SNX25: variants seen among roughly 807,000 people sequenced by gnomAD.
SNX25 encodes the protein sorting nexin-25.
SNX25 carries 62 observed loss-of-function variants against 113.7 expected under a neutral mutation model. The ratio of observed to expected loss-of-function variants is 0.55; its 90% CI spans 0.44 to 0.67. The LOEUF (loss-of-function observed/expected upper bound fraction) is 0.67, where lower values mean the gene tolerates loss of function less well. SNX25 is among the 30% of genes least tolerant of loss of function. The pLI is 0.00. For synonymous variants in SNX25, 421 were observed against 436.2 expected, an observed-to-expected ratio of 0.97 and a Z score of 0.43; for missense variants, 1,014 against 1,161.0, an observed-to-expected ratio of 0.87 and a Z score of 1.84.
At chr4:185,222,031 ACTGTAGGTATACAGCACCATATACCC>A (rs1739971992) in intron 1 of SNX25, among the ~76,000 whole-genome samples, 1 of 25,028 alleles carries the variant, frequency 4.0e-5, no homozygotes, top group Non-Finnish European at 1.0e-4. Context: ...TCCCTCGTTC[ACTGTAGGTATACAGCACCATATACCC>A]CTCCTTCATG....
intron 7 of SNX25, among the ~76,000 whole-genome samples, chr4:185,314,227 T>A (rs2095052191): frequency 6.7e-6 from 1 of 149,584 alleles, no homozygotes; most frequent in African/African-American, 2.5e-5. Context: ...AGGGGGCTCA[T>A]GCTGGTAATT....
At chr4:185,372,978 C>T (rs774700445), downstream of SNX25, 6 of 1,614,016 alleles carry the variant, frequency 3.7e-6, no homozygotes, top group Non-Finnish European at 5.1e-6. Flanking sequence ...GGGCAGCTTC[C>T]GTATCCTGCC....
exon 12 of SNX25, chr4:185,369,873 A>G (rs1207465014): frequency 5.2e-6 from 2 of 383,216 alleles, no homozygotes; most frequent in Non-Finnish European, 1.0e-5. Flanking sequence ...AAGCTTGGGA[A>G]CCACTGCTGT....
intron 7 of SNX25, among the ~76,000 whole-genome samples, chr4:185,315,663 C>T (rs2095068191): frequency 6.6e-6 from 1 of 151,982 alleles, no homozygotes; most frequent in Non-Finnish European, 1.5e-5. Flanking sequence ...TTTCAAAAAA[C>T]GGAGAAGGGA....
chr4:185,377,347 C>T, the SNX25 span: 1 of 219,024 alleles, frequency 4.6e-6, no homozygotes, highest in Non-Finnish European at 9.3e-6. Flanking sequence ...GGAGAAACCC[C>T]GTCTCTACTA....
In SNX25 at chr4:185,210,892, A is replaced by G. The variant is rs1164597412; in HGVS notation, c.429+637A>G. Reference sequence around the variant, plus strand: ...AGCCATCCTCAGCGCGCTGTGGGACACTAGGGCGGGGGTTAGGGAATGTAG... The same window carrying G: ...AGCCATCCTCAGCGCGCTGTGGGACGCTAGGGCGGGGGTTAGGGAATGTAG... On this transcript the variant is annotated intron_variant, in intron 1 of 18. Coordinates refer to ENST00000652585, the MANE Select transcript of SNX25 (RefSeq NM_001378034.2). This position sits in a 1 kb window ranked among gnomAD's most constrained non-coding sequence, Gnocchi z 4.4. 6.6e-6 allele frequency among the ~76,000 whole-genome samples: 1 copy of G among 152,122 alleles called. No homozygotes were observed.
At chr4:185,336,083 C>T (rs1487412313) in intron 10 of SNX25, among the ~76,000 whole-genome samples, 2 of 152,044 alleles carry the variant, frequency 1.3e-5, no homozygotes, top group Non-Finnish European at 2.9e-5. Flanking sequence ...GAAGAGATGG[C>T]GAGCATAGCA....
chr4:185,349,961 A>G (rs1028051120), intron 13 of SNX25, among the ~76,000 whole-genome samples: 2 of 152,244 alleles, frequency 1.3e-5, no homozygotes, highest in African/African-American at 4.8e-5. Flanking sequence ...CCATCCTCAC[A>G]TACAGGTTGA....
At position 185,254,045 on chromosome 4, in the gene SNX25, C is replaced by T. The variant is rs115151522; in HGVS notation, c.515-4803C>T. On this transcript the variant is annotated intron_variant, in intron 2 of 18. Transcript: ENST00000652585. ...TGGTAGTCTTTTTTCCAAGGCCCAC[C>T]GTATGGCTGTTCCAGATGTCTGGCT... 1.1e-3 allele frequency among the ~76,000 whole-genome samples: 168 copies of T among 152,264 alleles called. 1 individual carries two copies. Among genetic ancestry groups the T allele is most frequent in the African/African-American group, 3.7e-3 (154 of 41,552 alleles).
intron 16 of SNX25, among the ~76,000 whole-genome samples, chr4:185,358,044 G>T (rs951248953): frequency 6.6e-6 from 1 of 152,196 alleles, no homozygotes; most frequent in African/African-American, 2.4e-5. Flanking sequence ...AGTATCTTGA[G>T]TAGAATGTTT....
At chr4:185,366,137 T>C (rs1436303767), downstream of SNX25, 1 of 152,258 alleles carries the variant, frequency 6.6e-6, no homozygotes, top group Non-Finnish European at 1.5e-5. Flanking sequence ...GATATGTATA[T>C]TTGTTTCACA....
rs1271539489 is a variant in SNX25 at position 185,231,138 on chromosome 4, G to A, written c.430-16156G>A. On this transcript the variant is annotated intron_variant, in intron 1 of 18. Coordinates refer to ENST00000652585, the MANE Select transcript of SNX25 (RefSeq NM_001378034.2). ...TTTTGAGACAGTGTTTCGCTCTGTC[G>A]CCCAGGCTGGAGTGCAGTGGCATGA... Among the ~76,000 whole-genome samples, 35 of 144,810 alleles carry A rather than the reference G, an allele frequency of 2.4e-4. 1 individual carries two copies. The highest frequency in any genetic ancestry group is 3.9e-4 in the Non-Finnish European group (26 of 66,912).
intron 15 of SNX25, 109 bp from the exon 16 acceptor site, chr4:185,357,562 C>T (rs2095344605): frequency 1.1e-6 from 1 of 905,938 alleles, no homozygotes; most frequent in East Asian, 2.5e-5. Flanking sequence ...GACTTGATGG[C>T]AGGACTGAAA....
chr4:185,378,610 A>G, the SNX25 span: 1 of 991,136 alleles, frequency 1.0e-6, no homozygotes, highest in Non-Finnish European at 1.2e-6. Flanking sequence ...CATCGGACGA[A>G]TCCATTTCAA....
intron 12 of SNX25, among the ~76,000 whole-genome samples, chr4:185,342,390 C>T (rs2095264272): frequency 6.6e-6 from 1 of 152,210 alleles, no homozygotes; most frequent in Admixed American, 6.5e-5. Context: ...TCACAACTGG[C>T]AGCTGCCGAT....
In SNX25 at chr4:185,342,083, C is replaced by T. The variant is rs149793312; in HGVS notation, c.2154C>T (p.Ser718=). The change falls in exon 12 of 19, where the codon AGC becomes AGT. Residue 718 remains serine (S), a synonymous_variant. Coordinates refer to ENST00000652585, the MANE Select transcript of SNX25 (RefSeq NM_001378034.2). The stretch of plus-strand genomic sequence containing the variant: ...ACTGGACGGTCCCCAGAAGGCTCAG[C>T]GAGTTTCAGAATTTACACCGGAAAC... ...TKNWTVPRRL[S]EFQNLHRKLS... is the part of the protein sequence containing the mutation. 1.5e-5 allele frequency: 24 copies of T among 1,604,676 alleles called. No homozygotes were observed. In the African/African-American group the frequency reaches 2.5e-4, roughly 17 times the overall value.
At chr4:185,339,253 G>T (rs999599582) in intron 10 of SNX25, 126 bp from the exon 11 acceptor site, 5 of 770,620 alleles carry the variant, frequency 6.5e-6, no homozygotes, top group Admixed American at 3.4e-5. Flanking sequence ...TTTGTTTTTG[G>T]ATTATTCACT....
At chr4:185,283,984 G>T (rs2126599069) in intron 5 of SNX25, among the ~76,000 whole-genome samples, 1 of 152,154 alleles carries the variant, frequency 6.6e-6, no homozygotes, top group East Asian at 1.9e-4. Context: ...AATATCAAAA[G>T]AATAAATTGT....
Position 185,259,078 on chromosome 4 carries a change from G to A in SNX25, c.731+14G>A, listed in dbSNP as rs929591687. On this transcript the variant is annotated intron_variant, in intron 3 of 18. Transcript: ENST00000652585. ...TGCCAATGCCAGGTAACTGTTCTAA[G>A]CAACTTACCCCCTTTTTTGCATTAA... 7.5e-6 allele frequency: 12 copies of A among 1,606,754 alleles called. No homozygotes were observed. The highest frequency in any genetic ancestry group is 1.3e-5 in the African/African-American group (1 of 74,730).
Sources: gnomAD v4.1 joint callset for allele counts (sites outside exome capture counted in the v4.1 genomes callset) on GRCh38, gnomAD v4.1.1 for gene constraint, Gnocchi (gnomAD v3.1) non-coding constraint, MANE v1.5 for transcripts, NCBI Gene and HGNC (gene_info 2026-07-23, HGNC 2026-07-21) for gene names.